Variants in IQCJ observed in about 807,000 individuals in gnomAD.
IQCJ encodes IQ motif containing J.
In IQCJ, 9 loss-of-function variants were observed where a neutral mutation model predicts 11.0. The ratio of observed to expected loss-of-function variants is 0.82; its 90% CI spans 0.49 to 1.43. The LOEUF is 1.43. Ranked by LOEUF, IQCJ falls within the 40% of genes most tolerant of loss-of-function variation. IQCJ has a pLI of 0.00. For missense variants in IQCJ, 146 were observed against 133.2 expected, an observed-to-expected ratio of 1.10 and a Z score of -0.47; for synonymous variants, 55 against 51.3, an observed-to-expected ratio of 1.07 and a Z score of -0.31.
At chr3:159,193,297 A>G (rs1342518010) in intron 1 of IQCJ, among the ~76,000 whole-genome samples, 2 of 152,192 alleles carry the variant, frequency 1.3e-5, no homozygotes, top group Non-Finnish European at 2.9e-5. Flanking sequence ...TTCTCCATCT[A>G]CCTAATGATT....
At chr3:159,252,000 T>C (rs1204374312) in intron 2 of IQCJ, among the ~76,000 whole-genome samples, 1 of 152,242 alleles carries the variant, frequency 6.6e-6, no homozygotes, top group Non-Finnish European at 1.5e-5. Flanking sequence ...TTTGTTCTCC[T>C]ATTTTTTTCA....
intron 1 of IQCJ, among the ~76,000 whole-genome samples, chr3:159,215,332 C>G (rs1212009567): frequency 6.6e-6 from 1 of 152,128 alleles, no homozygotes; most frequent in Non-Finnish European, 1.5e-5. Flanking sequence ...AGGGAGGACA[C>G]CTTTACCATG....
intron 1 of IQCJ, among the ~76,000 whole-genome samples, chr3:159,245,354 A>G (rs574560840): frequency 1.3e-5 from 2 of 152,294 alleles, no homozygotes; most frequent in East Asian, 1.9e-4. Flanking sequence ...GTGAGTAAAA[A>G]AAAAGTCACA....
chr3:159,224,395 C>T (rs569696185), intron 1 of IQCJ, among the ~76,000 whole-genome samples: 5 of 152,126 alleles, frequency 3.3e-5, no homozygotes, highest in Non-Finnish European at 7.4e-5. Context: ...AACAAAGAAC[C>T]ACTTCATCCT....
chr3:159,085,732 G>C (rs1344317280), intron 1 of IQCJ, among the ~76,000 whole-genome samples: 1 of 151,212 alleles, frequency 6.6e-6, no homozygotes. Context: ...AGAAGTGTCT[G>C]TTCATGTCCT....
At chr3:159,194,606 C>T (rs1032171865) in intron 1 of IQCJ, among the ~76,000 whole-genome samples, 1 of 152,172 alleles carries the variant, frequency 6.6e-6, no homozygotes, top group Admixed American at 6.5e-5. Context: ...ATCCTTTGAT[C>T]CCTCTGGGTT....
At chr3:159,136,361 G>A (rs773182652) in intron 1 of IQCJ, among the ~76,000 whole-genome samples, 3 of 152,256 alleles carry the variant, frequency 2.0e-5, no homozygotes, top group Admixed American at 1.3e-4. Flanking sequence ...AATTGAATTC[G>A]ATGTTCCTCA....
At chr3:159,076,343 G>A (rs1715915622) in intron 1 of IQCJ, among the ~76,000 whole-genome samples, 1 of 152,048 alleles carries the variant, frequency 6.6e-6, no homozygotes, top group Non-Finnish European at 1.5e-5. Context: ...GCTACTCTAT[G>A]ACCATGTATA....
chr3:159,186,487 T>C (rs948885524), intron 1 of IQCJ, among the ~76,000 whole-genome samples: 2 of 152,148 alleles, frequency 1.3e-5, no homozygotes, highest in African/African-American at 4.8e-5. Flanking sequence ...AATCCAAACA[T>C]TGTGGAAGAC....
intron 3 of IQCJ, among the ~76,000 whole-genome samples, chr3:159,260,300 A>G (rs890058538): frequency 6.6e-5 from 10 of 152,134 alleles, no homozygotes; most frequent in Non-Finnish European, 1.3e-4. Context: ...AATGGCCACT[A>G]TATTTTGTTT....
At chr3:159,074,370 G>A (rs920819189) in intron 1 of IQCJ, among the ~76,000 whole-genome samples, 10 of 152,174 alleles carry the variant, frequency 6.6e-5, no homozygotes, top group South Asian at 2.1e-4. Context: ...AAAAGAAGAC[G>A]TGAGGGGAAG....
chr3:159,223,717 T>A (rs1271018104), intron 1 of IQCJ, among the ~76,000 whole-genome samples: 1 of 152,166 alleles, frequency 6.6e-6, no homozygotes, highest in Non-Finnish European at 1.5e-5. Context: ...GTATCTGTAA[T>A]CTGAAAATCC....
intron 1 of IQCJ, among the ~76,000 whole-genome samples, chr3:159,170,730 T>G (rs1722443056): frequency 6.6e-6 from 1 of 152,096 alleles, no homozygotes; most frequent in Non-Finnish European, 1.5e-5. Flanking sequence ...ATGGCCAGTC[T>G]TTGCCACGGG....
chr3:159,147,130 A>T (rs1032324858), intron 1 of IQCJ, among the ~76,000 whole-genome samples: 3 of 152,206 alleles, frequency 2.0e-5, no homozygotes, highest in Non-Finnish European at 2.9e-5. Context: ...ATTTATGCTA[A>T]TTTTTACTAA....
rs190779918 is a variant in IQCJ, at chr3:159,200,450, C to G, written c.10-45393C>G. On this transcript the variant is annotated intron_variant, in intron 1 of 3. Coordinates refer to ENST00000397832, the MANE Select transcript of IQCJ (RefSeq NM_001042706.3). Reference sequence around the variant, plus strand: ...ATCAGTCAGGGTTATTTTGCTGCAACCACAGGAATTTCTTGAGCTGACTTA... The same window carrying G: ...ATCAGTCAGGGTTATTTTGCTGCAAGCACAGGAATTTCTTGAGCTGACTTA... Among the ~76,000 whole-genome samples the G allele has an allele frequency of 5.9e-5, 9 of 152,162 alleles. No homozygotes were observed. In the East Asian group the frequency reaches 1.7e-3, roughly 30 times the overall value.
rs530085050 is a variant in IQCJ, at chr3:159,238,589, G to T, written c.10-7254G>T. 2.6e-5 allele frequency among the ~76,000 whole-genome samples: 4 copies of T among 152,212 alleles called. No individual in the cohort carries two copies. The East Asian group carries it at 7.7e-4, about 29-fold the overall frequency. ...CATCCCTGACCTTGAAGAGCTGAGT[G>T]GGGGAGGCAGGTAAAGAGTAAATAT... On this transcript the variant is annotated intron_variant, in intron 1 of 3. Transcript: ENST00000397832.
intron 1 of IQCJ, among the ~76,000 whole-genome samples, chr3:159,239,974 C>T (rs1270014034): frequency 6.6e-6 from 1 of 151,976 alleles, no homozygotes; most frequent in Non-Finnish European, 1.5e-5. Flanking sequence ...CTCCTAATGA[C>T]AAATTTCTCA....
At chr3:159,070,129 T>C (rs1273675295) in intron 1 of IQCJ, 3 of 164,088 alleles carry the variant, frequency 1.8e-5, no homozygotes, top group Middle Eastern at 2.8e-3. Context: ...AGATTTGCTA[T>C]AGCCAAATCC....
At chr3:159,249,089 C>T (rs1055755271) in intron 2 of IQCJ, among the ~76,000 whole-genome samples, 6 of 152,266 alleles carry the variant, frequency 3.9e-5, no homozygotes, top group Admixed American at 2.0e-4. Flanking sequence ...CTCCTGACCT[C>T]AGGTAATCCA....
Sources: allele counts gnomAD v4.1 joint callset (sites outside exome capture counted in the v4.1 genomes callset), GRCh38; gene constraint gnomAD v4.1.1; transcripts MANE v1.5; gene names NCBI Gene and HGNC (gene_info 2026-07-23, HGNC 2026-07-21).